Variants in UNC13C observed in about 807,000 individuals in gnomAD.
UNC13C encodes the protein unc-13 homolog C.
A neutral mutation model predicts 245.4 loss-of-function variants in UNC13C; 174 were observed. The ratio of observed to expected loss-of-function variants is 0.71; its 90% confidence interval spans 0.63 to 0.80. UNC13C has a LOEUF of 0.80. Among genes scored for constraint, UNC13C ranks in the 30% least tolerant of loss-of-function variants. The pLI, the probability that UNC13C is intolerant of heterozygous loss-of-function variation, is 0.00. For synonymous variants in UNC13C, 992 were observed against 895.1 expected (o/e 1.11, Z -1.93); for missense variants, 2,829 against 2,602.9 (o/e 1.09, Z -1.89).
At chr15:54,355,760 T>C (rs557349452) in intron 17 of UNC13C, among the ~76,000 whole-genome samples, 1 of 152,196 alleles carries the variant, frequency 6.6e-6, no homozygotes, top group African/African-American at 2.4e-5. Flanking sequence ...AAAGTAAAAA[T>C]TATCCTTCTC....
intron 17 of UNC13C, among the ~76,000 whole-genome samples, chr15:54,355,260 C>G (rs2039069259): frequency 1.3e-5 from 2 of 152,178 alleles, no homozygotes; most frequent in African/African-American, 4.8e-5. Flanking sequence ...TATCAAGTAT[C>G]AAAGACAAGC....
chr15:54,517,654 C>T (rs1566883320), intron 24 of UNC13C, among the ~76,000 whole-genome samples: 2 of 152,084 alleles, frequency 1.3e-5, no homozygotes, highest in African/African-American at 4.8e-5. Context: ...TTTACTCCTT[C>T]GCTAATTCAT....
intron 19 of UNC13C, among the ~76,000 whole-genome samples, chr15:54,455,944 C>T (rs1198039022): frequency 4.6e-5 from 7 of 151,932 alleles, no homozygotes; most frequent in Admixed American, 4.6e-4. Context: ...ACTCTTTGTT[C>T]GTCATTGTCT....
At chr15:54,219,562 C>T (rs1372102949) in intron 4 of UNC13C, among the ~76,000 whole-genome samples, 1 of 146,056 alleles carries the variant, frequency 6.8e-6, no homozygotes, top group Non-Finnish European at 1.5e-5. Flanking sequence ...GTCTAAAACA[C>T]CAAAAGCAAT....
the UNC13C span, among the ~76,000 whole-genome samples, chr15:53,952,036 G>A: frequency 6.6e-6 from 1 of 152,150 alleles, no homozygotes; most frequent in African/African-American, 2.4e-5. Context: ...GTTGGTTTAT[G>A]TATCAGCAAT....
chr15:54,134,009 C>A (rs1443986862), intron 2 of UNC13C, among the ~76,000 whole-genome samples: 1 of 151,630 alleles, frequency 6.6e-6, no homozygotes, highest in Non-Finnish European at 1.5e-5. Context: ...ATGATTACCA[C>A]AATAAAAGCA....
chr15:54,314,276 G>A (rs1028781078), intron 13 of UNC13C, among the ~76,000 whole-genome samples: 5 of 151,664 alleles, frequency 3.3e-5, no homozygotes, highest in Non-Finnish European at 4.4e-5. Context: ...TTCTTGAAAA[G>A]AGCAAAGCGA....
rs1359672529 is a variant in UNC13C at position 54,013,778 on chromosome 15, G to A, written c.875G>A (p.Arg292His). Residue 292 changes from arginine (R) to histidine (H), a missense_variant, in exon 2 of 33, where the codon CGC becomes CAC. By Grantham distance (29) the Arg-to-His change is conservative (BLOSUM62 0). Transcript: ENST00000260323. ...GTACAAAGTGAAATTGAGCAGTTGCGCACAGGGTTTGTCCAGTCTCGGAGG... is the reference window on the plus strand; with the variant it reads ...GTACAAAGTGAAATTGAGCAGTTGCACACAGGGTTTGTCCAGTCTCGGAGG... ...EVVQSEIEQL[R>H]TGFVQSRRET... The A allele has an allele frequency of 5.6e-6, 9 of 1,610,730 alleles. No individual in the cohort carries two copies. Among genetic ancestry groups the A allele is most frequent in the Admixed American group, 3.4e-5 (2 of 59,606 alleles).
chr15:54,561,668 T>G (rs1311667450), intron 29 of UNC13C, among the ~76,000 whole-genome samples: 1 of 151,894 alleles, frequency 6.6e-6, no homozygotes. Flanking sequence ...AATACAGAGG[T>G]CCTTTTGTGC....
At chr15:54,026,164 T>A (rs1896100243) in intron 2 of UNC13C, among the ~76,000 whole-genome samples, 1 of 152,228 alleles carries the variant, frequency 6.6e-6, no homozygotes, top group Admixed American at 6.5e-5. Context: ...TTGCATTTTC[T>A]AGAAACAAAA....
chr15:53,841,742 C>T, the UNC13C span, among the ~76,000 whole-genome samples: 129,659 of 152,100 alleles, frequency 0.85, 57,966 homozygotes, highest in Non-Finnish European at 0.98. Context: ...ACTGGAAGAT[C>T]GTCAGGGGTC....
intron 2 of UNC13C, among the ~76,000 whole-genome samples, chr15:54,118,994 C>G (rs991606917): frequency 6.6e-6 from 1 of 150,860 alleles, no homozygotes; most frequent in African/African-American, 2.4e-5. Flanking sequence ...GAATAAATCC[C>G]ACTTGATCAT....
intron 4 of UNC13C, among the ~76,000 whole-genome samples, chr15:54,149,268 G>A (rs147859669): frequency 2.6e-5 from 4 of 152,244 alleles, no homozygotes; most frequent in African/African-American, 9.6e-5. Context: ...TGTTTTTATA[G>A]CAGTGTGAAA....
chr15:53,984,409 A>G (rs1894046341), intron 1 of UNC13C, among the ~76,000 whole-genome samples: 1 of 152,078 alleles, frequency 6.6e-6, no homozygotes, highest in Non-Finnish European at 1.5e-5. Context: ...TTGGTCTTGG[A>G]TTACAGTTAA....
At chr15:54,441,582 T>A (rs1890527795) in intron 19 of UNC13C, among the ~76,000 whole-genome samples, 1 of 152,132 alleles carries the variant, frequency 6.6e-6, no homozygotes, top group African/African-American at 2.4e-5. Flanking sequence ...CCATGCTATT[T>A]TGTTGACTAT....
chr15:54,127,948 G>C (rs1237180352), intron 2 of UNC13C, among the ~76,000 whole-genome samples: 2 of 151,546 alleles, frequency 1.3e-5, no homozygotes, highest in Admixed American at 6.6e-5. Context: ...GGAAATGAAA[G>C]GCATCTAAAT....
At chr15:53,841,423 G>T in the UNC13C span, among the ~76,000 whole-genome samples, 1 of 151,948 alleles carries the variant, frequency 6.6e-6, no homozygotes, top group African/African-American at 2.4e-5. Flanking sequence ...AATATATATC[G>T]TGTGGATGAT....
intron 18 of UNC13C, among the ~76,000 whole-genome samples, chr15:54,397,846 CT>C (rs1349528624): frequency 6.6e-6 from 1 of 151,100 alleles, no homozygotes; most frequent in Non-Finnish European, 1.5e-5. Flanking sequence ...TCTAAATTTA[CT>C]TTTTTGTAGG....
rs1895490335 is a variant in UNC13C, at chr15:54,013,622, A to G, written c.719A>G (p.His240Arg). 1.2e-6 allele frequency: 2 copies of G among 1,613,696 alleles called. No individual in the cohort carries two copies. Among genetic ancestry groups the G allele is most frequent in the African/African-American group, 1.3e-5 (1 of 75,018 alleles). ...FSSSGCISQT[H>R]DVMEMIFKEL... The stretch of plus-strand genomic sequence containing the variant: ...TCCTCTGGCTGCATTAGCCAAACAC[A>G]TGATGTCATGGAAATGATCTTTAAG... The change falls in exon 2 of 33, where the codon CAT becomes CGT. Residue 240 changes from histidine (H) to arginine (R), a missense_variant. Physicochemically the swap from His to Arg is conservative, Grantham distance 29. Coordinates refer to ENST00000260323, the MANE Select transcript of UNC13C (RefSeq NM_001080534.3).
Sources: gnomAD v4.1 joint callset for allele counts (sites outside exome capture counted in the v4.1 genomes callset) on GRCh38, gnomAD v4.1.1 for gene constraint, MANE v1.5 for transcripts, NCBI Gene and HGNC (gene_info 2026-07-23, HGNC 2026-07-21) for gene names.